Variants in PLCG2 observed in about 807,000 individuals in gnomAD.
PLCG2 encodes the protein 1-phosphatidylinositol 4,5-bisphosphate phosphodiesterase gamma-2.
PLCG2 carries 69 observed loss-of-function variants against 175.6 expected under a neutral mutation model. That is an observed-to-expected ratio of 0.39 (90% CI 0.32 to 0.48). PLCG2 has a LOEUF of 0.48. Among genes scored for constraint, PLCG2 ranks in the 20% least tolerant of loss-of-function variants. The pLI is 0.91. For synonymous variants in PLCG2, 827 were observed against 624.0 expected (o/e 1.33, Z -4.85); for missense variants, 1,798 against 1,650.9 (o/e 1.09, Z -1.54).
At position 81,917,911 on chromosome 16, in the gene PLCG2, C is replaced by T. The variant is rs151293388; in HGVS notation, c.2055-1573C>T. 6.9e-3 allele frequency among the ~76,000 whole-genome samples: 1,043 copies of T among 152,102 alleles called. 6 individuals are homozygous for T. Among genetic ancestry groups the T allele is most frequent in the African/African-American group, 0.023 (952 of 41,478 alleles). The stretch of plus-strand genomic sequence containing the variant: ...TAATTTTTTGTATTTTTAGTAGAGA[C>T]GGGGTTTCACCATGTTGGCCAGGCT... On this transcript the variant is annotated intron_variant, in intron 19 of 32. Transcript: ENST00000564138.
intron 2 of PLCG2, among the ~76,000 whole-genome samples, chr16:81,758,263 C>T (rs1485351418): frequency 1.3e-5 from 2 of 152,206 alleles, no homozygotes; most frequent in African/African-American, 2.4e-5. Flanking sequence ...GAGGTGTGAA[C>T]CCTCGTGCCC....
At chr16:81,878,060 C>A (rs1489875790) in intron 7 of PLCG2, among the ~76,000 whole-genome samples, 1 of 135,132 alleles carries the variant, frequency 7.4e-6, no homozygotes, top group African/African-American at 2.7e-5. Flanking sequence ...CGGCTCACTG[C>A]AAGCTCTGCC....
At chr16:81,925,625 C>T (rs751968900) in intron 22 of PLCG2, among the ~76,000 whole-genome samples, 7 of 152,182 alleles carry the variant, frequency 4.6e-5, no homozygotes, top group South Asian at 2.1e-4. Context: ...CAGTGACTTG[C>T]GCCTGTAATC....
intron 3 of PLCG2, among the ~76,000 whole-genome samples, chr16:81,857,130 C>G (rs891628759): frequency 2.0e-5 from 3 of 152,208 alleles, no homozygotes; most frequent in African/African-American, 7.2e-5. Flanking sequence ...GCAGAGGAGA[C>G]TGATGACTGA....
chr16:81,835,781 C>G (rs1015875776), intron 2 of PLCG2, among the ~76,000 whole-genome samples: 1 of 152,090 alleles, frequency 6.6e-6, no homozygotes, highest in Non-Finnish European at 1.5e-5. Flanking sequence ...GCAGTGCTCC[C>G]GCTGGAGGCT....
At chr16:81,859,689 C>T (rs1008190811) in intron 5 of PLCG2, among the ~76,000 whole-genome samples, 35 of 152,314 alleles carry the variant, frequency 2.3e-4, no homozygotes, top group South Asian at 4.1e-4. Flanking sequence ...CACCCGCCAC[C>T]ATGCCCGGCT....
chr16:81,778,725 C>A (rs1226895697), upstream of PLCG2, among the ~76,000 whole-genome samples: 8 of 152,212 alleles, frequency 5.3e-5, no homozygotes, highest in East Asian at 1.5e-3. Context: ...GTTGGTCTGA[C>A]TCCAGCGCAG....
At chr16:81,841,763 C>T (rs986633281) in intron 2 of PLCG2, among the ~76,000 whole-genome samples, 1 of 152,222 alleles carries the variant, frequency 6.6e-6, no homozygotes, top group Non-Finnish European at 1.5e-5. Context: ...TTTGTCATTA[C>T]ATGTTCTTCT....
chr16:81,899,285 TATATAC>T (rs1218558968), intron 13 of PLCG2, among the ~76,000 whole-genome samples: 249 of 128,956 alleles, frequency 1.9e-3, no homozygotes, highest in African/African-American at 7.7e-3. Flanking sequence ...TATATATATA[TATATAC>T]ACACACACAC....
intron 7 of PLCG2, among the ~76,000 whole-genome samples, chr16:81,879,624 A>G (rs1003508135): frequency 6.6e-6 from 1 of 152,104 alleles, no homozygotes; most frequent in Non-Finnish European, 1.5e-5. Context: ...GGGGTAGGAG[A>G]TGTTTTATGT....
intron 2 of PLCG2, among the ~76,000 whole-genome samples, chr16:81,805,845 T>C (rs1463860135): frequency 6.9e-6 from 1 of 145,360 alleles, no homozygotes; most frequent in Non-Finnish European, 1.5e-5. Flanking sequence ...GATTTTGTTC[T>C]GGGTGAAGTG....
intron 1 of PLCG2, among the ~76,000 whole-genome samples, chr16:81,745,714 C>G (rs1222330816): frequency 6.6e-6 from 1 of 152,130 alleles, no homozygotes; most frequent in Non-Finnish European, 1.5e-5. Context: ...TCGCATTTTC[C>G]CTGTAAATCT....
chr16:81,931,289 G>A (rs1910491607), intron 24 of PLCG2: 1 of 429,002 alleles, frequency 2.3e-6, no homozygotes, highest in Non-Finnish European at 4.2e-6. Flanking sequence ...CATCTTTTCG[G>A]AGGACCCTAC....
At chr16:81,913,454 G>A (rs1374065875) in intron 19 of PLCG2, among the ~76,000 whole-genome samples, 1 of 152,212 alleles carries the variant, frequency 6.6e-6, no homozygotes, top group Non-Finnish European at 1.5e-5. Context: ...TAAGTGACCT[G>A]CCTGGAGTCA....
In PLCG2 at chr16:81,931,514, A is replaced by G. The variant is rs1910501812; in HGVS notation, c.2599A>G (p.Lys867Glu). Residue 867 changes from lysine to glutamate, a missense_variant, in exon 25 of 33, where the codon AAA becomes GAA. By Grantham distance (56) the Lys-to-Glu change is moderately conservative (BLOSUM62 1). Transcript: ENST00000564138. ...ACCCCAAGTGAAAGCCCCTCAGGGA[A>G]AAAACCAGAAGTCCTTTGTCTTCAT... ...TYNVVKAPQG[K>E]NQKSFVFILE... The G allele has an allele frequency of 1.2e-6, 2 of 1,613,938 alleles. No homozygotes were observed. The highest frequency in any genetic ancestry group is 8.5e-7 in the Non-Finnish European group (1 of 1,179,990).
At chr16:81,957,102 C>T (rs1397719998) in intron 32 of PLCG2, among the ~76,000 whole-genome samples, 2 of 151,994 alleles carry the variant, frequency 1.3e-5, no homozygotes, top group Non-Finnish European at 2.9e-5. Context: ...AGTTCAAGAC[C>T]AGCGTGCCCA....
rs191057950 is a variant in PLCG2, at chr16:81,933,553, G to C, written c.2740-876G>C. On this transcript the variant is annotated intron_variant, in intron 25 of 32. Transcript: ENST00000564138. ...GAGGGGTGACAGCTGCAGGCCTGGA[G>C]AGTAATTGTCATGCTGTTTTTTGTT... Among the ~76,000 whole-genome samples, 72 of 152,052 alleles carry C rather than the reference G, an allele frequency of 4.7e-4. 1 individual carries two copies. The highest frequency in any genetic ancestry group is 1.5e-5 in the Non-Finnish European group (1 of 67,970).
chr16:81,828,566 G>T (rs1905137931), intron 2 of PLCG2, among the ~76,000 whole-genome samples: 1 of 152,072 alleles, frequency 6.6e-6, no homozygotes, highest in Non-Finnish European at 1.5e-5. Flanking sequence ...TCTGTGCTGT[G>T]GTGTGGTGCC....
At position 81,805,778 on chromosome 16, in the gene PLCG2, T is replaced by G. The variant is rs1159102382; in HGVS notation, c.193+19596T>G. On this transcript the variant is annotated intron_variant, in intron 2 of 32. Coordinates refer to ENST00000564138, the MANE Select transcript of PLCG2 (RefSeq NM_002661.5). ...TAGTGTTTTGTTTTGTTTTTTTTTT[T>G]TTTTGTTTTTTTTTTTTTTTGCTGT... Among the ~76,000 whole-genome samples the G allele has an allele frequency of 5.0e-3, 575 of 114,220 alleles. 1 individual carries two copies. Among genetic ancestry groups the G allele is most frequent in the South Asian group, 0.018 (69 of 3,758 alleles). The allele number at this position is 114,220 out of a possible 152,430, so 74.9% of individuals were successfully genotyped here.
Sources: allele counts gnomAD v4.1 joint callset (sites outside exome capture counted in the v4.1 genomes callset), GRCh38; gene constraint gnomAD v4.1.1; transcripts MANE v1.5; gene names NCBI Gene and HGNC (gene_info 2026-07-23, HGNC 2026-07-21).